BMAL2: variants seen among roughly 807,000 people sequenced by gnomAD.
BMAL2 encodes basic helix-loop-helix ARNT like 2, also known as basic helix-loop-helix ARNT-like protein 2.
chr12:27,390,303 C>T, the BMAL2 span: 1 of 1,501,724 alleles, frequency 6.7e-7, no homozygotes, highest in Non-Finnish European at 9.2e-7. Context: ...TAAATATTTT[C>T]TGTACAGAAA....
the BMAL2 span, among the ~76,000 whole-genome samples, chr12:27,366,103 A>G: frequency 4.7e-4 from 72 of 152,238 alleles, no homozygotes; most frequent in African/African-American, 1.6e-3. Flanking sequence ...TTACAAAGAT[A>G]TAGGGATTTT....
At chr12:27,363,898 C>T in the BMAL2 span, among the ~76,000 whole-genome samples, 5 of 152,138 alleles carry the variant, frequency 3.3e-5, no homozygotes, top group African/African-American at 1.2e-4. Flanking sequence ...TACTCTCCCT[C>T]CTTTAGAGTT....
the BMAL2 span, chr12:27,401,162 C>T: frequency 1.0e-6 from 1 of 966,422 alleles, no homozygotes; most frequent in South Asian, 1.4e-5. Context: ...CTACCCTGTG[C>T]ACTTCTTTAC....
At chr12:27,349,725 T>C in the BMAL2 span, among the ~76,000 whole-genome samples, 1 of 152,234 alleles carries the variant, frequency 6.6e-6, no homozygotes, top group African/African-American at 2.4e-5. Context: ...CTTCAACATT[T>C]ATCTCAGTGT....
At chr12:27,420,701 G>A in the BMAL2 span, 16 of 767,800 alleles carry the variant, frequency 2.1e-5, no homozygotes, top group Admixed American at 2.6e-4. Context: ...GGGGAAATAC[G>A]TTTTCCTCCC....
At chr12:27,355,213 A>G in the BMAL2 span, among the ~76,000 whole-genome samples, 4 of 152,034 alleles carry the variant, frequency 2.6e-5, no homozygotes, top group Admixed American at 6.6e-5. Flanking sequence ...CTGCTGCATC[A>G]TATTCTTAGA....
the BMAL2 span, chr12:27,376,321 G>T: frequency 2.5e-6 from 4 of 1,605,668 alleles, no homozygotes; most frequent in Non-Finnish European, 3.4e-6. Context: ...CATGTAGTTT[G>T]ATATTTTATC....
chr12:27,345,361 G>A, the BMAL2 span, among the ~76,000 whole-genome samples: 3 of 152,226 alleles, frequency 2.0e-5, no homozygotes, highest in South Asian at 6.2e-4. Context: ...ACTGTTTTAA[G>A]TTCTGTTTTT....
the BMAL2 span, among the ~76,000 whole-genome samples, chr12:27,334,826 C>T: frequency 1.3e-5 from 2 of 152,352 alleles, no homozygotes; most frequent in East Asian, 3.9e-4. Flanking sequence ...AGACATTTCA[C>T]AGGGGTGCTT....
At chr12:27,367,806 T>C in the BMAL2 span, among the ~76,000 whole-genome samples, 3 of 137,712 alleles carry the variant, frequency 2.2e-5, no homozygotes, top group Non-Finnish European at 4.6e-5. Context: ...TGTGTATATA[T>C]AGATATAATG....
the BMAL2 span, among the ~76,000 whole-genome samples, chr12:27,360,614 C>T: frequency 3.9e-5 from 6 of 152,002 alleles, no homozygotes; most frequent in Admixed American, 1.3e-4. Context: ...CCTTAGGCAT[C>T]TACAATGGCT....
At chr12:27,338,696 C>CT in the BMAL2 span, among the ~76,000 whole-genome samples, 1 of 152,348 alleles carries the variant, frequency 6.6e-6, no homozygotes, top group East Asian at 1.9e-4. Context: ...GGCAGCCTGT[C>CT]TTACACATAG....
the BMAL2 span, among the ~76,000 whole-genome samples, chr12:27,341,061 A>G: frequency 6.6e-6 from 1 of 151,836 alleles, no homozygotes; most frequent in African/African-American, 2.4e-5. Flanking sequence ...AAAAAGGGAT[A>G]GTTTGACTTC....
At chr12:27,403,307 G>A in the BMAL2 span, 2 of 659,990 alleles carry the variant, frequency 3.0e-6, no homozygotes, top group African/African-American at 3.7e-5. Context: ...GTAATGCAAG[G>A]ATGAGTGTTT....
chr12:27,406,885 G>A, the BMAL2 span, among the ~76,000 whole-genome samples: 1 of 152,276 alleles, frequency 6.6e-6, no homozygotes, highest in Admixed American at 6.5e-5. Context: ...TCACAATAAA[G>A]GGATGGAGGA....
the BMAL2 span, among the ~76,000 whole-genome samples, chr12:27,347,628 T>A: frequency 2.6e-5 from 4 of 152,108 alleles, no homozygotes; most frequent in East Asian, 1.9e-4. Flanking sequence ...TTAAAAAAAA[T>A]ATCCTTTCAA....
chr12:27,411,450 CA>C, the BMAL2 span, among the ~76,000 whole-genome samples: 36 of 144,528 alleles, frequency 2.5e-4, no homozygotes, highest in East Asian at 2.1e-4. Context: ...GACCCCATCT[CA>C]AAAAAAAAAA....
At chr12:27,382,920 G>T in the BMAL2 span, among the ~76,000 whole-genome samples, 1 of 152,172 alleles carries the variant, frequency 6.6e-6, no homozygotes, top group African/African-American at 2.4e-5. Flanking sequence ...TCATGGGTTT[G>T]GCTGTCACAG....
the BMAL2 span, chr12:27,401,558 C>T: frequency 1.2e-6 from 2 of 1,607,214 alleles, no homozygotes; most frequent in Non-Finnish European, 1.7e-6. Context: ...TTACAGATTC[C>T]TACAAATTCA....
Sources: gnomAD v4.1 joint callset for allele counts (sites outside exome capture counted in the v4.1 genomes callset) on GRCh38, gnomAD v4.1.1 for gene constraint, MANE v1.5 for transcripts, NCBI Gene and HGNC (gene_info 2026-07-23, HGNC 2026-07-21) for gene names.